The following NAALADL2 variants were observed in gnomAD, a reference collection of about 807,000 sequenced individuals.
NAALADL2 encodes N-acetylated alpha-linked acidic dipeptidase like 2.
In NAALADL2, 76 loss-of-function variants were observed where a neutral mutation model predicts 87.2. That is an observed-to-expected ratio of 0.87 (90% CI 0.72 to 1.05). NAALADL2 has a LOEUF of 1.05. Among genes scored for constraint, NAALADL2 ranks in the 50% least tolerant of loss-of-function variants. The pLI is 0.00. For synonymous variants in NAALADL2, 354 were observed against 331.0 expected (o/e 1.07, Z -0.75); for missense variants, 1,089 against 945.8 (o/e 1.15, Z -1.99).
At chr3:175,096,048 G>C (rs1010381253) in intron 1 of NAALADL2, among the ~76,000 whole-genome samples, 2 of 152,030 alleles carry the variant, frequency 1.3e-5, no homozygotes, top group Non-Finnish European at 2.9e-5. Context: ...TCCTAGGCTG[G>C]CAAAAGGCTT....
chr3:174,662,199 A>G (rs995406139), intron 2 of NAALADL2, among the ~76,000 whole-genome samples: 1 of 152,200 alleles, frequency 6.6e-6, no homozygotes, highest in Non-Finnish European at 1.5e-5. Flanking sequence ...TTTTATAGCT[A>G]ACATTGTTAT....
upstream of NAALADL2, among the ~76,000 whole-genome samples, chr3:174,856,003 TGAGA>T (rs1486344436): frequency 2.9e-5 from 4 of 137,698 alleles, no homozygotes; most frequent in Non-Finnish European, 4.6e-5. Flanking sequence ...TATATATATA[TGAGA>T]GAGAGAAGTA....
At chr3:175,070,768 T>C (rs897142422) in intron 1 of NAALADL2, among the ~76,000 whole-genome samples, 1 of 152,082 alleles carries the variant, frequency 6.6e-6, no homozygotes, top group Admixed American at 6.6e-5. Flanking sequence ...TTTAGTACCA[T>C]ATTAAAGTAA....
intron 13 of NAALADL2, among the ~76,000 whole-genome samples, chr3:175,777,414 A>G (rs1267095136): frequency 6.6e-6 from 1 of 152,104 alleles, no homozygotes; most frequent in Non-Finnish European, 1.5e-5. Flanking sequence ...TGAGGATTAT[A>G]TGCATTAAAA....
intron 4 of NAALADL2, among the ~76,000 whole-genome samples, chr3:175,312,174 A>C (rs1758458363): frequency 6.6e-6 from 1 of 152,202 alleles, no homozygotes; most frequent in Admixed American, 6.5e-5. Context: ...AACCATCTGA[A>C]AAAGAAAGGA....
At chr3:174,721,394 T>G (rs1051375319) in intron 2 of NAALADL2, among the ~76,000 whole-genome samples, 11 of 152,152 alleles carry the variant, frequency 7.2e-5, no homozygotes, top group African/African-American at 2.7e-4. Context: ...TTTATGTTAG[T>G]GAAGAGTCTA....
intron 1 of NAALADL2, among the ~76,000 whole-genome samples, chr3:175,096,430 A>G (rs1228433743): frequency 6.6e-6 from 1 of 151,422 alleles, no homozygotes; most frequent in Non-Finnish European, 1.5e-5. Flanking sequence ...GCATTGCATC[A>G]TCCTTCAATG....
At chr3:174,747,146 A>C (rs1734333929) in intron 3 of NAALADL2, among the ~76,000 whole-genome samples, 1 of 152,188 alleles carries the variant, frequency 6.6e-6, no homozygotes, top group Non-Finnish European at 1.5e-5. Flanking sequence ...GAAAAAACCT[A>C]CAGAATGAGA....
intron 1 of NAALADL2, among the ~76,000 whole-genome samples, chr3:174,529,924 G>A (rs1035447155): frequency 2.0e-5 from 3 of 152,066 alleles, no homozygotes; most frequent in Non-Finnish European, 4.4e-5. Flanking sequence ...TGCTGCAAAG[G>A]TCTCTGACCT....
intron 2 of NAALADL2, among the ~76,000 whole-genome samples, chr3:174,592,124 C>T (rs1452161762): frequency 6.6e-6 from 1 of 151,972 alleles, no homozygotes; most frequent in African/African-American, 2.4e-5. Context: ...AGATGTTATT[C>T]AGTAATTTAT....
chr3:175,674,290 A>C (rs963210247), intron 11 of NAALADL2, among the ~76,000 whole-genome samples: 2 of 145,246 alleles, frequency 1.4e-5, no homozygotes. Flanking sequence ...GTTGGAGTCT[A>C]TCTCTGTCGC....
At chr3:174,587,564 C>T (rs568301969) in intron 2 of NAALADL2, among the ~76,000 whole-genome samples, 5 of 152,266 alleles carry the variant, frequency 3.3e-5, no homozygotes, top group African/African-American at 1.2e-4. Context: ...CTCATAAGGC[C>T]TGTCTGGTGG....
At chr3:175,386,023 C>T (rs1052838730) in intron 5 of NAALADL2, among the ~76,000 whole-genome samples, 6 of 151,976 alleles carry the variant, frequency 3.9e-5, no homozygotes, top group East Asian at 1.9e-4. Context: ...GTGTGAGCAT[C>T]GTATGACCTC....
Position 175,576,041 on chromosome 3 carries a change from A to G in NAALADL2, c.1654A>G (p.Lys552Glu). The change falls in exon 10 of 14, where the codon AAA (lysine) becomes GAA (glutamate). Residue 552 changes from lysine (K) to glutamate (E), a missense_variant and splice_region_variant. Lys to Glu is a moderately conservative substitution (Grantham distance 56, BLOSUM62 1). Transcript: ENST00000454872. ...SPSLQQLVVE[K>E]NNFNCTRRAQ... is the part of the protein sequence containing the mutation. ...TAACAATTTAAATTATGTTTTTCAG[A>G]AAAATAATTTCAACTGTACCAGAAG... 1 of 1,609,826 alleles carries G rather than the reference A, an allele frequency of 6.2e-7. No individual in the cohort carries two copies. Among genetic ancestry groups the G allele is most frequent in the Non-Finnish European group, 8.5e-7 (1 of 1,178,394 alleles).
chr3:175,709,277 A>T (rs1272203601), intron 11 of NAALADL2, among the ~76,000 whole-genome samples: 2 of 152,136 alleles, frequency 1.3e-5, no homozygotes, highest in African/African-American at 2.4e-5. Flanking sequence ...ATAGATAAAC[A>T]TATCATGCTA....
chr3:175,667,743 G>GTTTTTTTTTTTTTTTTTTTTTTTTTTT (rs58514374), intron 11 of NAALADL2, among the ~76,000 whole-genome samples: 2 of 120,052 alleles, frequency 1.7e-5, no homozygotes. Context: ...GTTTTTTGCT[G>GTTTTTTTTTTTTTTTTTTTTTTTTTTT]TTTTTTTTTT....
chr3:174,767,808 T>A (rs1332544085), intron 3 of NAALADL2, among the ~76,000 whole-genome samples: 2 of 152,194 alleles, frequency 1.3e-5, no homozygotes, highest in Non-Finnish European at 2.9e-5. Context: ...TATATGTTTG[T>A]TTTCCTGTGA....
chr3:175,618,120 T>G (rs937761108), intron 10 of NAALADL2, among the ~76,000 whole-genome samples: 2 of 152,190 alleles, frequency 1.3e-5, no homozygotes, highest in Non-Finnish European at 2.9e-5. Context: ...AAGTAACATA[T>G]TGTCCTTTCA....
At chr3:174,842,811 CTT>C (rs1181087844) in intron 3 of NAALADL2, among the ~76,000 whole-genome samples, 1 of 151,952 alleles carries the variant, frequency 6.6e-6, no homozygotes, top group Non-Finnish European at 1.5e-5. Flanking sequence ...GTGTGCGTGT[CTT>C]AACAAATAAT....
Sources: gnomAD v4.1 joint callset for allele counts (sites outside exome capture counted in the v4.1 genomes callset) on GRCh38, gnomAD v4.1.1 for gene constraint, MANE v1.5 for transcripts, NCBI Gene and HGNC (gene_info 2026-07-23, HGNC 2026-07-21) for gene names.